Variants in CNTN3 observed in about 807,000 individuals in gnomAD.
CNTN3 encodes the protein contactin-3.
A neutral mutation model predicts 119.1 loss-of-function variants in CNTN3; 60 were observed. The observed-to-expected ratio is 0.50, with a 90% CI of 0.41 to 0.62. The LOEUF (loss-of-function observed/expected upper bound fraction) is 0.62, where lower values mean the gene tolerates loss of function less well. CNTN3 is among the 20% of genes least tolerant of loss of function. CNTN3 has a pLI of 0.00. For missense variants in CNTN3, 1,101 were observed against 1,242.4 expected (o/e 0.89, Z 1.71); for synonymous variants, 450 against 438.7 (o/e 1.03, Z -0.32).
At chr3:74,382,377 T>C (rs1161239424) in intron 5 of CNTN3, among the ~76,000 whole-genome samples, 1 of 152,196 alleles carries the variant, frequency 6.6e-6, no homozygotes, top group Non-Finnish European at 1.5e-5. Flanking sequence ...TGTAGTGAAA[T>C]ATACTCTTAG....
chr3:74,580,769 G>A (rs1279636696), intron 1 of CNTN3, among the ~76,000 whole-genome samples: 1 of 152,154 alleles, frequency 6.6e-6, no homozygotes, highest in East Asian at 1.9e-4. Context: ...CATCATACTA[G>A]TGGTGCCAAC....
intron 5 of CNTN3, among the ~76,000 whole-genome samples, chr3:74,414,877 CTTTT>C (rs71129747): frequency 1.7e-5 from 2 of 117,144 alleles, no homozygotes; most frequent in Non-Finnish European, 1.7e-5. Flanking sequence ...TTCCTATAGT[CTTTT>C]TTTTTTTTTT....
Position 74,366,608 on chromosome 3 carries a change from A to G in CNTN3, c.947-906T>C, listed in dbSNP as rs1366909572. Among the ~76,000 whole-genome samples, 5 of 151,692 alleles carry G rather than the reference A, an allele frequency of 3.3e-5. No homozygotes were observed. The East Asian group carries it at 9.8e-4, about 30-fold the overall frequency. On this transcript the variant is annotated intron_variant, in intron 8 of 22. Coordinates refer to ENST00000263665, the MANE Select transcript of CNTN3 (RefSeq NM_020872.3). ...CTCCATATGGAGAAACAGTTTATCT[A>G]TTTCTATTTAACTGCAACCATGGGA...
At chr3:74,612,397 T>G (rs1401946133) in intron 1 of CNTN3, among the ~76,000 whole-genome samples, 1 of 152,218 alleles carries the variant, frequency 6.6e-6, no homozygotes, top group Non-Finnish European at 1.5e-5. Context: ...GTTGCCATTT[T>G]AAGGTACACT....
intron 4 of CNTN3, among the ~76,000 whole-genome samples, chr3:74,452,176 C>A (rs1156274069): frequency 7.0e-6 from 1 of 141,852 alleles, no homozygotes; most frequent in Non-Finnish European, 1.5e-5. Flanking sequence ...TTGTTTGTAT[C>A]CTCTTTTATT....
At chr3:74,599,827 A>C (rs1007993595) in intron 1 of CNTN3, among the ~76,000 whole-genome samples, 2 of 152,108 alleles carry the variant, frequency 1.3e-5, no homozygotes, top group Non-Finnish European at 2.9e-5. Context: ...ATGACTCCCA[A>C]TGATTTCTCA....
In CNTN3 at chr3:74,263,303, C is replaced by A. The variant is rs537668673; in HGVS notation, c.*1098G>T. 1 of 152,192 alleles carries A rather than the reference C, an allele frequency of 6.6e-6. No individual in the cohort carries two copies. Among genetic ancestry groups the A allele is most frequent in the South Asian group, 2.1e-4 (1 of 4,828 alleles). The allele number at this position is 152,192 out of a possible 1,614,324, so 9.4% of individuals were successfully genotyped here. A position where few individuals can be genotyped will look rare whatever the true frequency, so the allele number is the denominator to read the frequency against. On this transcript the variant is annotated 3_prime_UTR_variant, in exon 23 of 23. Transcript: ENST00000263665. ...CTCAGGAACTAAAAAGCCTGCCAGA[C>A]TCACTCAGATAGATGGTGGGATTTC...
At chr3:74,438,328 T>C (rs1420706924) in intron 4 of CNTN3, among the ~76,000 whole-genome samples, 7 of 152,192 alleles carry the variant, frequency 4.6e-5, no homozygotes, top group Middle Eastern at 3.2e-3. Context: ...ATACTTAGGA[T>C]CTTAGTCTGA....
At chr3:74,517,324 G>A (rs1234076348) in intron 2 of CNTN3, among the ~76,000 whole-genome samples, 1 of 151,858 alleles carries the variant, frequency 6.6e-6, no homozygotes, top group Non-Finnish European at 1.5e-5. Context: ...TTAAGTGTGA[G>A]CTGACCAATT....
chr3:74,587,282 A>G (rs1023073901), intron 1 of CNTN3, among the ~76,000 whole-genome samples: 3 of 152,072 alleles, frequency 2.0e-5, no homozygotes, highest in Non-Finnish European at 2.9e-5. Flanking sequence ...CTCCTCATTC[A>G]GACACTAGAT....
intron 2 of CNTN3, among the ~76,000 whole-genome samples, chr3:74,503,970 G>A (rs1041791443): frequency 1.1e-4 from 17 of 152,042 alleles, no homozygotes; most frequent in African/African-American, 3.4e-4. Flanking sequence ...AGCTTTATGA[G>A]CTCCTAAGGT....
rs187077052 is a variant in CNTN3, at chr3:74,329,523, C to G, written c.1668+5212G>C. 1.6e-3 allele frequency among the ~76,000 whole-genome samples: 239 copies of G among 152,276 alleles called. 2 individuals carry two copies. The highest frequency in any genetic ancestry group is 3.4e-3 in the Middle Eastern group (1 of 294). On this transcript the variant is annotated intron_variant, in intron 13 of 22. Coordinates refer to ENST00000263665, the MANE Select transcript of CNTN3 (RefSeq NM_020872.3). ...AGTGTGTTTACGTCCAAAAGTTTCT[C>G]TCTGTAGGGAGCCTCTGGCATATAA... is the stretch of plus-strand genomic sequence containing the variant.
At chr3:74,613,474 T>C (rs1295383766) in intron 1 of CNTN3, among the ~76,000 whole-genome samples, 1 of 152,144 alleles carries the variant, frequency 6.6e-6, no homozygotes, top group African/African-American at 2.4e-5. Context: ...TCTGTTCCCC[T>C]TTCTTTGCCT....
In CNTN3 at chr3:74,366,780, G is replaced by GTGTGTA. The variant is rs1447686332; in HGVS notation, c.947-1079_947-1078insTACACA. On this transcript the variant is annotated intron_variant, in intron 8 of 22. Transcript: ENST00000263665. The stretch of plus-strand genomic sequence containing the variant: ...TGTGCGTGTGTGTGTGTGTGTGTGT[G>GTGTGTA]TATATATATATATATATATATATAT... Among the ~76,000 whole-genome samples, 122 of 63,708 alleles carry GTGTGTA rather than the reference G, an allele frequency of 1.9e-3. 1 individual carries two copies. Among genetic ancestry groups the GTGTGTA allele is most frequent in the South Asian group, 9.6e-3 (11 of 1,148 alleles). The allele number at this position is 63,708 out of a possible 152,430, so 41.8% of individuals were successfully genotyped here.
chr3:74,457,643 T>C (rs867181453), intron 4 of CNTN3, among the ~76,000 whole-genome samples: 1 of 152,150 alleles, frequency 6.6e-6, no homozygotes, highest in Admixed American at 6.6e-5. Context: ...ATTCATCACG[T>C]GTGCCACATG....
chr3:74,371,144 G>T, intron 6 of CNTN3, 52 bp downstream of exon 6: 1 of 1,323,716 alleles, frequency 7.6e-7, no homozygotes, highest in Non-Finnish European at 1.1e-6. Flanking sequence ...GCTTTTGTTT[G>T]CAGCCTCAGC....
intron 13 of CNTN3, among the ~76,000 whole-genome samples, chr3:74,313,078 G>A (rs559106397): frequency 2.7e-5 from 4 of 150,910 alleles, no homozygotes; most frequent in Non-Finnish European, 5.9e-5. Flanking sequence ...GACTGGGCAT[G>A]GTTGAGAAAA....
intron 4 of CNTN3, among the ~76,000 whole-genome samples, chr3:74,475,829 G>A (rs914841257): frequency 2.6e-5 from 4 of 152,176 alleles, no homozygotes; most frequent in Non-Finnish European, 5.9e-5. Context: ...GCAGAGTGGT[G>A]AAACAGTGGG....
chr3:74,428,031 C>G (rs561373642), intron 4 of CNTN3, among the ~76,000 whole-genome samples: 211 of 152,124 alleles, frequency 1.4e-3, no homozygotes, highest in Admixed American at 2.1e-3. Flanking sequence ...TATGGCCAGA[C>G]CATATTTACA....
Sources: gnomAD v4.1 joint callset for allele counts (sites outside exome capture counted in the v4.1 genomes callset) on GRCh38, gnomAD v4.1.1 for gene constraint, MANE v1.5 for transcripts, NCBI Gene and HGNC (gene_info 2026-07-23, HGNC 2026-07-21) for gene names.